Variants in DPH6 observed in about 807,000 individuals in gnomAD.
DPH6 encodes diphthine--ammonia ligase.
Under a neutral mutation model 38.2 loss-of-function variants are expected in DPH6, and 33 were observed. The observed-to-expected ratio is 0.86, with a 90% CI of 0.65 to 1.15. DPH6 has a LOEUF of 1.15. Ranked by LOEUF, DPH6 falls within the 50% of genes most tolerant of loss-of-function variation. DPH6 has a pLI of 0.00. For synonymous variants in DPH6, 108 were observed against 103.0 expected (o/e 1.05, Z -0.30); for missense variants, 325 against 320.0 (o/e 1.02, Z -0.12).
chr15:35,145,302 A>G, the DPH6 span, among the ~76,000 whole-genome samples: 3 of 152,204 alleles, frequency 2.0e-5, no homozygotes, highest in African/African-American at 7.2e-5. Context: ...TAGATGTGCT[A>G]TCTTTCATGT....
chr15:35,524,805 C>A (rs2054974462), intron 3 of DPH6, among the ~76,000 whole-genome samples: 1 of 152,072 alleles, frequency 6.6e-6, no homozygotes, highest in African/African-American at 2.4e-5. Flanking sequence ...GGTTTTCCAG[C>A]AATCAATATA....
At chr15:35,325,426 G>T (rs1057194674) in intron 3 of DPH6, among the ~76,000 whole-genome samples, 2 of 152,168 alleles carry the variant, frequency 1.3e-5, no homozygotes, top group African/African-American at 4.8e-5. Context: ...GGACACAGTT[G>T]TATGAATACT....
chr15:35,204,609 A>G, the DPH6 span, among the ~76,000 whole-genome samples: 2 of 151,874 alleles, frequency 1.3e-5, no homozygotes, highest in South Asian at 4.1e-4. Context: ...GGTTATGCCC[A>G]AAACTCTGGA....
intron 1 of DPH6, 37 bp downstream of exon 1, chr15:35,546,082 G>A (rs1409563324): frequency 2.2e-6 from 3 of 1,367,896 alleles, no homozygotes; most frequent in Admixed American, 2.9e-5. Context: ...CGAGAGCCTG[G>A]CCTAGGAGGA....
chr15:35,402,085 C>T (rs1469044255), intron 6 of DPH6, among the ~76,000 whole-genome samples: 10 of 152,146 alleles, frequency 6.6e-5, no homozygotes, highest in Non-Finnish European at 1.0e-4. Flanking sequence ...CTAATTGTCA[C>T]GCTGAATAAA....
At chr15:35,383,644 A>C (rs929933677) in intron 6 of DPH6, among the ~76,000 whole-genome samples, 3 of 152,182 alleles carry the variant, frequency 2.0e-5, no homozygotes, top group Admixed American at 1.3e-4. Context: ...CATAGGTTCC[A>C]AGTCAAGAAA....
chr15:35,372,311 T>C (rs1223445005), intron 8 of DPH6, 108 bp from the exon 9 acceptor site: 1 of 932,338 alleles, frequency 1.1e-6, no homozygotes, highest in African/African-American at 1.8e-5. Context: ...TACTGTTATC[T>C]TCGCAGCCTA....
At chr15:35,534,071 AC>A (rs931455682) in intron 3 of DPH6, among the ~76,000 whole-genome samples, 4 of 152,096 alleles carry the variant, frequency 2.6e-5, no homozygotes, top group Admixed American at 1.3e-4. Context: ...AGAAAAAAAA[AC>A]ATCTCAAAGA....
rs575847690 is a variant in DPH6, at chr15:35,331,898, G to A, written n.208-821C>T. 2.1e-4 allele frequency among the ~76,000 whole-genome samples: 32 copies of A among 152,252 alleles called. 1 individual carries two copies. Among genetic ancestry groups the A allele is most frequent in the African/African-American group, 6.7e-4 (28 of 41,562 alleles). The stretch of plus-strand genomic sequence containing the variant: ...CACAAGAGCTGAGGGAGCGCCTTTG[G>A]CTTCAGAGAAAGCTCTGAGGCAGAA... On this transcript the variant is annotated intron_variant and non_coding_transcript_variant, in intron 3 of 3. Coordinates refer to the DPH6 transcript ENST00000558973.
At chr15:35,279,068 A>AAAAAATAAATATAT (rs1555390826) in intron 3 of DPH6, among the ~76,000 whole-genome samples, 1 of 102,992 alleles carries the variant, frequency 9.7e-6, no homozygotes, top group Non-Finnish European at 1.8e-5. Flanking sequence ...AAAAAAAAAA[A>AAAAAATAAATATAT]ATATATATAT....
the DPH6 span, among the ~76,000 whole-genome samples, chr15:35,198,648 T>C: frequency 2.0e-5 from 3 of 152,208 alleles, no homozygotes; most frequent in African/African-American, 7.2e-5. Flanking sequence ...AAATATGAAA[T>C]GTACTAAGTT....
chr15:35,300,671 A>G (rs2052048784), intron 3 of DPH6, among the ~76,000 whole-genome samples: 1 of 152,210 alleles, frequency 6.6e-6, no homozygotes, highest in South Asian at 2.1e-4. Context: ...GTTGGGTATT[A>G]TCTTTCACCC....
chr15:35,276,760 G>C (rs1029047246), intron 3 of DPH6, among the ~76,000 whole-genome samples: 1 of 152,040 alleles, frequency 6.6e-6, no homozygotes, highest in Non-Finnish European at 1.5e-5. Context: ...ATTTATTTCT[G>C]GGTTCTCTAT....
exon 4 of DPH6, chr15:35,218,508 C>T (rs2051423016): frequency 1.3e-5 from 2 of 152,136 alleles, no homozygotes; most frequent in Non-Finnish European, 2.9e-5. Context: ...GTCAAGTGTA[C>T]TTTTGACCTT....
intron 3 of DPH6, among the ~76,000 whole-genome samples, chr15:35,225,498 A>G (rs1259139629): frequency 6.6e-6 from 1 of 152,200 alleles, no homozygotes; most frequent in Non-Finnish European, 1.5e-5. Flanking sequence ...TAAAATTGTT[A>G]TAGCTTTGGC....
At chr15:35,298,617 C>T (rs1566862783) in intron 3 of DPH6, 5 of 911,036 alleles carry the variant, frequency 5.5e-6, no homozygotes, top group Admixed American at 1.7e-5. Context: ...GCGTCACCCA[C>T]GATGATCTTG....
At chr15:35,447,035 A>G (rs1270656990) in intron 5 of DPH6, among the ~76,000 whole-genome samples, 1 of 151,758 alleles carries the variant, frequency 6.6e-6, no homozygotes. Flanking sequence ...CGCATGGCTA[A>G]TTTTTTTGTA....
chr15:35,224,396 C>G lies in DPH6; in HGVS notation n.201-3814G>C, dbSNP rs559807037. ...TGCTGGGATTACAGGCATGAGCCAC[C>G]ACGCCTGGCCTGATTTTAGCTTTGA... is the stretch of plus-strand genomic sequence containing the variant. On this transcript the variant is annotated intron_variant and non_coding_transcript_variant, in intron 3 of 3. Coordinates refer to the DPH6 transcript ENST00000560386. Among the ~76,000 whole-genome samples the G allele has an allele frequency of 4.6e-5, 7 of 152,224 alleles. No homozygotes were observed. The East Asian group carries it at 7.7e-4, about 17-fold the overall frequency.
chr15:35,436,345 AC>A (rs1443752384), intron 5 of DPH6, among the ~76,000 whole-genome samples: 1 of 151,336 alleles, frequency 6.6e-6, no homozygotes, highest in Non-Finnish European at 1.5e-5. Context: ...GGGCGCCTGT[AC>A]TCCCAGCTAC....
Sources: gnomAD v4.1 joint callset for allele counts (sites outside exome capture counted in the v4.1 genomes callset) on GRCh38, gnomAD v4.1.1 for gene constraint, MANE v1.5 for transcripts, NCBI Gene and HGNC (gene_info 2026-07-23, HGNC 2026-07-21) for gene names.